Variants in CEMIP observed in about 807,000 individuals in gnomAD.
The protein encoded by CEMIP is cell migration-inducing and hyaluronan-binding protein.
A neutral mutation model predicts 156.9 loss-of-function variants in CEMIP; 105 were observed. The observed-to-expected ratio is 0.67, with a 90% CI of 0.57 to 0.79. The LOEUF (loss-of-function observed/expected upper bound fraction) is 0.79, where lower values mean the gene tolerates loss of function less well. Among genes scored for constraint, CEMIP ranks in the 30% least tolerant of loss-of-function variants. CEMIP has a pLI of 0.00. For missense variants in CEMIP, 1,457 were observed against 1,769.4 expected, an observed-to-expected ratio of 0.82 and a Z score of 3.17; for synonymous variants, 676 against 668.4, an observed-to-expected ratio of 1.01 and a Z score of -0.17.
intron 1 of CEMIP, among the ~76,000 whole-genome samples, chr15:80,810,941 A>G (rs180797984): frequency 6.6e-6 from 1 of 152,100 alleles, no homozygotes; most frequent in Non-Finnish European, 1.5e-5. Flanking sequence ...CCATTCGCCT[A>G]CTCAACCTTC....
intron 1 of CEMIP, among the ~76,000 whole-genome samples, chr15:80,829,299 C>T (rs7173382): frequency 0.7 from 106,205 of 152,108 alleles, 37,372 homozygotes; most frequent in East Asian, 0.81. Context: ...GTTCCTGATA[C>T]CTGAGCACCC....
rs548859191 is a variant in CEMIP at position 80,787,535 on chromosome 15, C to T, written c.-176+7921C>T. On this transcript the variant is annotated intron_variant, in intron 1 of 29. Coordinates refer to ENST00000394685, the MANE Select transcript of CEMIP (RefSeq NM_001293298.2). Reference sequence around the variant, plus strand: ...GGGAATCCAGCCCCCTGTCTGGAGGCCTTTGCGTCAGCCCACATCACCATA... The same window carrying T: ...GGGAATCCAGCCCCCTGTCTGGAGGTCTTTGCGTCAGCCCACATCACCATA... Among the ~76,000 whole-genome samples, 5 of 152,312 alleles carry T rather than the reference C, an allele frequency of 3.3e-5. No homozygotes were observed. The South Asian group carries it at 8.3e-4, about 25-fold the overall frequency.
At chr15:80,878,655 G>A in intron 3 of CEMIP, 66 bp from the exon 4 acceptor site, 1 of 1,609,082 alleles carries the variant, frequency 6.2e-7, no homozygotes, top group Non-Finnish European at 8.5e-7. Context: ...CCCCCTTTTG[G>A]CCTGTAGCAT....
intron 28 of CEMIP, chr15:80,946,638 C>T (rs929522273): frequency 8.5e-5 from 30 of 351,868 alleles, no homozygotes; most frequent in Non-Finnish European, 1.5e-4. Context: ...TACTGTGTGC[C>T]GAGCCCTGGC....
intron 1 of CEMIP, among the ~76,000 whole-genome samples, chr15:80,810,125 G>A (rs964744518): frequency 2.0e-5 from 3 of 151,946 alleles, no homozygotes; most frequent in African/African-American, 7.3e-5. Context: ...TTAAAATTCT[G>A]CCTGCCACAC....
intron 1 of CEMIP, among the ~76,000 whole-genome samples, chr15:80,804,475 C>A (rs1242609001): frequency 6.6e-6 from 1 of 152,134 alleles, no homozygotes; most frequent in Non-Finnish European, 1.5e-5. Flanking sequence ...GGCCATGTGA[C>A]CGGAGGAAGG....
intron 6 of CEMIP, among the ~76,000 whole-genome samples, chr15:80,882,178 G>C (rs1244026523): frequency 6.6e-6 from 1 of 152,162 alleles, no homozygotes; most frequent in Non-Finnish European, 1.5e-5. Context: ...GTGCTTGCTG[G>C]TGCTCACAGA....
chr15:80,847,547 A>T (rs1410917983), intron 1 of CEMIP, among the ~76,000 whole-genome samples: 1 of 152,050 alleles, frequency 6.6e-6, no homozygotes. Flanking sequence ...CTGCTATACC[A>T]CCTGGGAGTA....
At chr15:80,808,113 T>C (rs1896559726) in intron 1 of CEMIP, among the ~76,000 whole-genome samples, 1 of 152,218 alleles carries the variant, frequency 6.6e-6, no homozygotes, top group Non-Finnish European at 1.5e-5. Flanking sequence ...CCCTTTGAAG[T>C]CAGGAGACTA....
intron 3 of CEMIP, among the ~76,000 whole-genome samples, chr15:80,876,158 C>G (rs1335080893): frequency 6.6e-6 from 1 of 152,208 alleles, no homozygotes; most frequent in African/African-American, 2.4e-5. Context: ...CATATATGTT[C>G]CCCGCGTGGC....
intron 14 of CEMIP, among the ~76,000 whole-genome samples, chr15:80,918,798 T>C (rs899439069): frequency 6.6e-6 from 1 of 152,066 alleles, no homozygotes; most frequent in African/African-American, 2.4e-5. Flanking sequence ...AGGGTACCTG[T>C]TTGCCAGTTA....
intron 12 of CEMIP, among the ~76,000 whole-genome samples, chr15:80,900,660 G>GTAT (rs1899482489): frequency 7.1e-6 from 1 of 141,396 alleles, no homozygotes; most frequent in African/African-American, 2.7e-5. Flanking sequence ...CTGTGTGTGT[G>GTAT]TCTGTGTGTG....
In CEMIP at chr15:80,947,072, G is replaced by A. The variant is rs185853871; in HGVS notation, c.3958+7G>A. 3 of 1,594,882 alleles carry A rather than the reference G, an allele frequency of 1.9e-6. No homozygotes were observed. Among genetic ancestry groups the A allele is most frequent in the Non-Finnish European group, 1.7e-6 (2 of 1,162,718 alleles). The stretch of plus-strand genomic sequence containing the variant: ...AGGGGTCTCAAGTTGAAAGGTAAGG[G>A]TTTGAACTGGGGTTTAAACTGACCC... On this transcript the variant is annotated splice_region_variant and intron_variant, in intron 29 of 29. Coordinates refer to ENST00000394685, the MANE Select transcript of CEMIP (RefSeq NM_001293298.2).
chr15:80,900,702 G>C lies in CEMIP; in HGVS notation c.1411+4642G>C, dbSNP rs73500474. 1,298 of 308,414 alleles carry C rather than the reference G, an allele frequency of 4.2e-3. 19 individuals carry two copies. The highest frequency in any genetic ancestry group is 0.028 in the African/African-American group (1,197 of 42,402). The allele number at this position is 308,414 out of a possible 1,614,324, so 19.1% of individuals were successfully genotyped here. On this transcript the variant is annotated intron_variant, in intron 12 of 29. Coordinates refer to ENST00000394685, the MANE Select transcript of CEMIP (RefSeq NM_001293298.2). ...TATTTTGTGTGTGTATTTTGTGTCT[G>C]TCTGTTCTGGAGAGGCTCACATTCC... is the stretch of plus-strand genomic sequence containing the variant.
At chr15:80,797,135 C>T (rs778461016) in intron 1 of CEMIP, among the ~76,000 whole-genome samples, 20 of 152,272 alleles carry the variant, frequency 1.3e-4, no homozygotes, top group Non-Finnish European at 2.2e-4. Context: ...ACCAGTTTGA[C>T]GAACCTGGCC....
intron 14 of CEMIP, among the ~76,000 whole-genome samples, chr15:80,911,128 G>C (rs896857145): frequency 2.6e-5 from 4 of 152,180 alleles, no homozygotes; most frequent in Non-Finnish European, 4.4e-5. Context: ...GTTGCTTCCA[G>C]GATTGAGCAA....
chr15:80,915,344 G>A (rs754948270), intron 14 of CEMIP, among the ~76,000 whole-genome samples: 7 of 152,196 alleles, frequency 4.6e-5, no homozygotes, highest in Non-Finnish European at 1.0e-4. Context: ...TCTGGCCTAC[G>A]CCCAGGAATG....
chr15:80,942,148 T>A (rs1463349190), intron 26 of CEMIP, 95 bp downstream of exon 26: 1 of 1,481,364 alleles, frequency 6.8e-7, no homozygotes, highest in East Asian at 2.3e-5. Flanking sequence ...ATTAGGTCCC[T>A]CACTCAGCTC....
chr15:80,884,207 A>G lies in CEMIP; in HGVS notation c.650A>G (p.Glu217Gly). Reference sequence around the variant, plus strand: ...ACCTATAGATCCAAGAAAGAGAGTGAACGTCTGGTCCAGTATTTGAACGCG... The same window carrying G: ...ACCTATAGATCCAAGAAAGAGAGTGGACGTCTGGTCCAGTATTTGAACGCG... ...FDTYRSKKES[E>G]RLVQYLNAVP... The change falls in exon 7 of 30, where the codon GAA (glutamate) becomes GGA (glycine). Residue 217 changes from glutamate to glycine, a missense_variant. Around this residue, in one of 5 missense-constraint regions of CEMIP, gnomAD observed 309 missense variants for 340.8 expected, o/e 0.91. Transcript: ENST00000394685. The G allele has an allele frequency of 6.2e-7, 1 of 1,614,222 alleles. No homozygotes were observed. The highest frequency in any genetic ancestry group is 1.3e-5 in the African/African-American group (1 of 75,068).
Sources: gnomAD v4.1 joint callset for allele counts (sites outside exome capture counted in the v4.1 genomes callset) on GRCh38, gnomAD v4.1.1 for gene constraint, gnomAD v4.1.1 regional missense constraint, MANE v1.5 for transcripts, NCBI Gene and HGNC (gene_info 2026-07-23, HGNC 2026-07-21) for gene names.